The following ABRACL variants were observed in gnomAD, a reference collection of about 807,000 sequenced individuals.
ABRACL encodes the protein costars family protein ABRACL.
In ABRACL, 4 loss-of-function variants were observed where a neutral mutation model predicts 7.0. The observed-to-expected ratio is 0.57, with a 90% CI of 0.28 to 1.30. The LOEUF is 1.30. ABRACL is among the 50% of genes most tolerant of loss of function. The probability of loss-of-function intolerance (pLI) is 0.10; values close to 1 mark genes in which losing one functional copy is unlikely to be tolerated. For missense variants in ABRACL, 104 were observed against 97.3 expected, an observed-to-expected ratio of 1.07 and a Z score of -0.29; for synonymous variants, 30 against 36.0, an observed-to-expected ratio of 0.83 and a Z score of 0.60.
rs201515160 is a variant in ABRACL, at chr6:139,042,670, G to A, written c.62-49G>A. The A allele has an allele frequency of 2.3e-5, 35 of 1,518,602 alleles. No homozygotes were observed. The Middle Eastern group carries it at 6.9e-4, about 30-fold the overall frequency. The allele number at this position is 1,518,602 out of a possible 1,614,324, so 94.1% of individuals were successfully genotyped here. Reference sequence around the variant, plus strand: ...ATTTTGTAAGTCTTCCATACTTGAGGGTATGAAACAGACTTTGCATTTGCT... The same window carrying A: ...ATTTTGTAAGTCTTCCATACTTGAGAGTATGAAACAGACTTTGCATTTGCT... On this transcript the variant is annotated intron_variant, in intron 2 of 2. Transcript: ENST00000367660.
chr6:139,036,462 A>G (rs1292302359), intron 2 of ABRACL, among the ~76,000 whole-genome samples: 1 of 152,108 alleles, frequency 6.6e-6, no homozygotes, highest in Non-Finnish European at 1.5e-5. Flanking sequence ...CTCTATTTCT[A>G]TATCAAACCC....
At position 139,042,921 on chromosome 6, in the gene ABRACL, T is replaced by C. The variant is rs1786274797; in HGVS notation, c.*18T>C. 6.4e-7 allele frequency: 1 copy of C among 1,558,530 alleles called. No homozygotes were observed. Among genetic ancestry groups the C allele is most frequent in the Admixed American group, 1.9e-5 (1 of 51,398 alleles). ...AAGATTAATGTGGTTTACATATCTTTATGTACTGCCATTTTTTGTTTCTGG... is the reference window on the plus strand; with the variant it reads ...AAGATTAATGTGGTTTACATATCTTCATGTACTGCCATTTTTTGTTTCTGG... On this transcript the variant is annotated 3_prime_UTR_variant, in exon 3 of 3. Coordinates refer to ENST00000367660, the MANE Select transcript of ABRACL (RefSeq NM_021243.3).
At chr6:139,038,879 T>A (rs1010834587) in intron 2 of ABRACL, among the ~76,000 whole-genome samples, 2 of 152,222 alleles carry the variant, frequency 1.3e-5, no homozygotes, top group Non-Finnish European at 2.9e-5. Flanking sequence ...TTTTCCTTAT[T>A]TGTAAAACAA....
intron 2 of ABRACL, among the ~76,000 whole-genome samples, chr6:139,035,024 A>T (rs142706235): frequency 0.01 from 1,554 of 152,302 alleles, 19 homozygotes; most frequent in Non-Finnish European, 0.012. Flanking sequence ...TTAAAATTAC[A>T]TCATGTAAGT....
intron 1 of ABRACL, among the ~76,000 whole-genome samples, chr6:139,033,199 A>G (rs931696831): frequency 2.0e-5 from 3 of 152,234 alleles, no homozygotes; most frequent in African/African-American, 7.2e-5. Context: ...AAAGTCCCAC[A>G]TGGCTACAGC....
chr6:139,042,189 G>A (rs951072829), intron 2 of ABRACL, among the ~76,000 whole-genome samples: 2 of 152,142 alleles, frequency 1.3e-5, no homozygotes, highest in African/African-American at 2.4e-5. Context: ...CTCCAAATAA[G>A]ATAATCTAGG....
chr6:139,034,612 C>G (rs1786128031), intron 2 of ABRACL: 1 of 458,544 alleles, frequency 2.2e-6, no homozygotes, highest in Non-Finnish European at 3.8e-6. Context: ...TTCAAATCAT[C>G]TTATCTAAAA....
chr6:139,030,961 A>G (rs537172676), intron 1 of ABRACL, among the ~76,000 whole-genome samples: 71 of 152,354 alleles, frequency 4.7e-4, no homozygotes, highest in African/African-American at 1.6e-3. Flanking sequence ...ATGAACGTAC[A>G]TCTGCTTACT....
At chr6:139,034,610 A>G (rs2114303952) in intron 2 of ABRACL, 2 of 464,332 alleles carry the variant, frequency 4.3e-6, no homozygotes, top group Admixed American at 3.9e-5. Flanking sequence ...TTTTCAAATC[A>G]TCTTATCTAA....
intron 2 of ABRACL, chr6:139,034,595 C>A: frequency 1.9e-6 from 1 of 523,310 alleles, no homozygotes. Context: ...TTACAAACTT[C>A]TTTTTTTTCA....
chr6:139,041,445 C>CTA (rs1465820185), intron 2 of ABRACL, among the ~76,000 whole-genome samples: 3 of 69,066 alleles, frequency 4.3e-5, no homozygotes, highest in African/African-American at 1.2e-4. Flanking sequence ...CTCTCTCTCT[C>CTA]TCTCTCTATA....
At chr6:139,034,579 A>G in intron 2 of ABRACL, 4 of 621,642 alleles carry the variant, frequency 6.4e-6, no homozygotes, top group Non-Finnish European at 5.0e-6. Context: ...TTGTTCTGCC[A>G]TCATTTTACA....
chr6:139,037,380 C>A (rs541342585), intron 2 of ABRACL, among the ~76,000 whole-genome samples: 1 of 152,258 alleles, frequency 6.6e-6, no homozygotes, highest in Non-Finnish European at 1.5e-5. Context: ...TGTGCCTCAG[C>A]CTCCCTGGTA....
intron 1 of ABRACL, among the ~76,000 whole-genome samples, chr6:139,029,133 G>T (rs1280686723): frequency 2.6e-5 from 4 of 152,148 alleles, no homozygotes; most frequent in Non-Finnish European, 5.9e-5. Context: ...GGCCGGGGGC[G>T]GACTGGGAAG....
intron 1 of ABRACL, among the ~76,000 whole-genome samples, chr6:139,033,918 T>TGAATCGTGGGTGCAAGGAGAATGGCTG (rs1214203287): frequency 1.3e-5 from 1 of 79,980 alleles, no homozygotes; most frequent in Non-Finnish European, 3.2e-5. Flanking sequence ...AATGGCTGTA[T>TGAATCGTGGGTGCAAGGAGAATGGCTG]TCTCCCCCAC....
At chr6:139,034,548 T>C (rs933333660) in intron 2 of ABRACL, 1 of 874,978 alleles carries the variant, frequency 1.1e-6, no homozygotes, top group Non-Finnish European at 1.7e-6. Flanking sequence ...TGTCATACTA[T>C]TAAAATTCAT....
intron 1 of ABRACL, among the ~76,000 whole-genome samples, chr6:139,032,038 G>A (rs1325513740): frequency 6.6e-6 from 1 of 151,452 alleles, no homozygotes; most frequent in Non-Finnish European, 1.5e-5. Context: ...TCGGCTCACT[G>A]CAAGCTCCGC....
At chr6:139,042,174 C>A (rs1275685208) in intron 2 of ABRACL, among the ~76,000 whole-genome samples, 1 of 152,210 alleles carries the variant, frequency 6.6e-6, no homozygotes, top group Non-Finnish European at 1.5e-5. Flanking sequence ...ATGTTAAAAA[C>A]TGGCCTCCAA....
chr6:139,034,049 T>C, intron 1 of ABRACL, 106 bp from the exon 2 acceptor site: 2 of 1,405,328 alleles, frequency 1.4e-6, no homozygotes, highest in Non-Finnish European at 2.0e-6. Flanking sequence ...ACATGGTAAA[T>C]TAATAGTGAC....
Sources: gnomAD v4.1 joint callset for allele counts (sites outside exome capture counted in the v4.1 genomes callset) on GRCh38, gnomAD v4.1.1 for gene constraint, MANE v1.5 for transcripts, NCBI Gene and HGNC (gene_info 2026-07-23, HGNC 2026-07-21) for gene names.